The following SRGAP2C variants were observed in gnomAD, a reference collection of about 807,000 sequenced individuals.
SRGAP2C encodes the protein SLIT-ROBO Rho GTPase activating protein 2C, also known as SLIT-ROBO Rho GTPase-activating protein 2C.
A neutral mutation model predicts 25.1 loss-of-function variants in SRGAP2C; 15 were observed. The observed-to-expected ratio is 0.60, with a 90% CI of 0.40 to 0.92. The LOEUF (loss-of-function observed/expected upper bound fraction) is 0.92, where lower values mean the gene tolerates loss of function less well. SRGAP2C is among the 40% of genes least tolerant of loss of function. The probability of loss-of-function intolerance (pLI) is 0.00; values close to 1 mark genes in which losing one functional copy is unlikely to be tolerated. For synonymous variants in SRGAP2C, 44 were observed against 96.6 expected, an observed-to-expected ratio of 0.46 and a Z score of 3.19; for missense variants, 144 against 264.4, an observed-to-expected ratio of 0.54 and a Z score of 3.16.
At chr1:121,335,391 A>AAATCAATCAAT (rs1658492086) in intron 4 of SRGAP2C, among the ~76,000 whole-genome samples, 1 of 135,314 alleles carries the variant, frequency 7.4e-6, no homozygotes, top group Non-Finnish European at 1.6e-5. Flanking sequence ...AATAAATAAA[A>AAATCAATCAAT]CAACCAATTC....
intron 4 of SRGAP2C, among the ~76,000 whole-genome samples, chr1:121,340,073 G>A (rs1427733872): frequency 4.8e-5 from 7 of 146,082 alleles, no homozygotes; most frequent in African/African-American, 1.0e-4. Context: ...TTTTTTTAGC[G>A]GTATATTATC....
intron 4 of SRGAP2C, among the ~76,000 whole-genome samples, chr1:121,353,031 A>C (rs1169544557): frequency 3.1e-4 from 47 of 151,116 alleles, no homozygotes; most frequent in Admixed American, 8.6e-4. Flanking sequence ...CAGAGCTTGC[A>C]GTGAAACGAG....
intron 2 of SRGAP2C, among the ~76,000 whole-genome samples, chr1:121,249,566 ATATATATATATATATTTTTTT>A (rs1303401544): frequency 1.6e-3 from 53 of 33,196 alleles, no homozygotes; most frequent in African/African-American, 2.0e-3. Flanking sequence ...ATATATATAT[ATATATATATATATATTTTTTT>A]TTTTTTTTTT....
intron 2 of SRGAP2C, among the ~76,000 whole-genome samples, chr1:121,212,418 C>T (rs1471658903): frequency 1.4e-4 from 21 of 152,106 alleles, no homozygotes; most frequent in African/African-American, 4.6e-4. Flanking sequence ...GGGTGAGCCA[C>T]CATACCCAGC....
intron 3 of SRGAP2C, among the ~76,000 whole-genome samples, chr1:121,305,787 C>CT (rs1434996303): frequency 2.3e-5 from 3 of 130,208 alleles, no homozygotes; most frequent in Non-Finnish European, 4.8e-5. Context: ...GTTTGATTCT[C>CT]TATCTTCTCA....
At chr1:121,196,702 G>A in intron 2 of SRGAP2C, among the ~76,000 whole-genome samples, 1 of 87,918 alleles carries the variant, frequency 1.1e-5, no homozygotes, top group Non-Finnish European at 2.3e-5. Flanking sequence ...GTTGTGTTAA[G>A]AGTACTGGCT....
intron 7 of SRGAP2C, among the ~76,000 whole-genome samples, chr1:121,375,207 TAGTC>T (rs1484938524): frequency 1.5e-4 from 23 of 148,888 alleles, no homozygotes; most frequent in East Asian, 1.4e-3. Flanking sequence ...TTAGATGACT[TAGTC>T]AGAGTCAGTT....
chr1:121,374,950 T>C lies in SRGAP2C; in HGVS notation c.827T>C (p.Ile276Thr), dbSNP rs782306822. 6 of 777,376 alleles carry C rather than the reference T, an allele frequency of 7.7e-6. No individual in the cohort carries two copies. The highest frequency in any genetic ancestry group is 2.7e-5 in the South Asian group (2 of 73,818). 48.2% of individuals were successfully genotyped at this position (777,376 alleles called of 1,614,324 possible). A position where few individuals can be genotyped will look rare whatever the true frequency, so the allele number is the denominator to read the frequency against. ...KYYIHDLSDL[I>T]DQCCDLGYHA... ...TACATCCATGACCTATCTGACCTTA[T>C]TGATGTAAGTGCTTAAAGCCAAGGG... The change falls in exon 7 of 10, where the codon ATT (isoleucine) becomes ACT (threonine). Residue 276 changes from isoleucine to threonine, a missense_variant. By Grantham distance (89) the Ile-to-Thr change is moderately conservative. Transcript: ENST00000367123.
chr1:121,374,868 GC>G lies in SRGAP2C; in HGVS notation c.748del (p.Gln250ArgfsTer33). On this transcript the variant is annotated frameshift_variant, in exon 7 of 10. Coordinates refer to ENST00000367123, the MANE Select transcript of SRGAP2C (RefSeq NM_001329984.2). LOFTEE classifies it high-confidence loss of function. ...GGAGAATAAGCTGAAGGCCATCAAA[GC>G]CCAGAATGAGTACTTGCTGGCTTTG... ...YTENKLKAIK[A>X]QNEYLLALEA... 2 of 779,280 alleles carry G rather than the reference GC, an allele frequency of 2.6e-6. No homozygotes were observed. The highest frequency in any genetic ancestry group is 4.8e-6 in the Non-Finnish European group (2 of 417,258). The allele number at this position is 779,280 out of a possible 1,614,324, so 48.3% of individuals were successfully genotyped here.
intron 4 of SRGAP2C, among the ~76,000 whole-genome samples, chr1:121,358,732 G>T (rs1769151): frequency 1.4e-5 from 2 of 146,612 alleles, no homozygotes; most frequent in African/African-American, 2.5e-5. Flanking sequence ...CAAAGAAAAA[G>T]AATTTACTAT....
intron 4 of SRGAP2C, among the ~76,000 whole-genome samples, chr1:121,362,528 G>T (rs1271061129): frequency 1.3e-5 from 2 of 149,760 alleles, no homozygotes; most frequent in Non-Finnish European, 3.0e-5. Context: ...CCACTCTGGG[G>T]CTAGGTTATT....
At chr1:121,212,483 G>A (rs1409876470) in intron 2 of SRGAP2C, among the ~76,000 whole-genome samples, 1 of 151,744 alleles carries the variant, frequency 6.6e-6, no homozygotes, top group African/African-American at 2.4e-5. Context: ...AAGGAAGAGT[G>A]GCAGTGGCAG....
Position 121,185,119 on chromosome 1 carries a change from A to T in SRGAP2C, c.-548A>T. On this transcript the variant is annotated 5_prime_UTR_variant, in exon 1 of 10. Transcript: ENST00000367123. ...GGGGGCCTGGGACCCGTCGCGTCAG[A>T]GCCAGGTAAAGGCTCCTTCCCTCTT... is the stretch of plus-strand genomic sequence containing the variant. 2.1e-6 allele frequency: 1 copy of T among 470,728 alleles called. No homozygotes were observed. Among genetic ancestry groups the T allele is most frequent in the South Asian group, 3.0e-5 (1 of 33,340 alleles). The allele number at this position is 470,728 out of a possible 1,614,324, so 29.2% of individuals were successfully genotyped here. A position where few individuals can be genotyped will look rare whatever the true frequency, so the allele number is the denominator to read the frequency against.
At position 121,363,992 on chromosome 1, in the gene SRGAP2C, T is replaced by A. The variant is rs1239450098; in HGVS notation, c.424-1301T>A. The stretch of plus-strand genomic sequence containing the variant: ...ATCAGAAAAAAAAGTATTTTTTAAG[T>A]AGAGATGTATGTACCTTGAAAAAAA... On this transcript the variant is annotated intron_variant, in intron 4 of 9. Coordinates refer to ENST00000367123, the MANE Select transcript of SRGAP2C (RefSeq NM_001329984.2). 2.0e-5 allele frequency among the ~76,000 whole-genome samples: 3 copies of A among 151,520 alleles called. No homozygotes were observed. In the East Asian group the frequency reaches 5.8e-4, roughly 29 times the overall value.
intron 2 of SRGAP2C, among the ~76,000 whole-genome samples, chr1:121,238,531 A>T (rs587652924): frequency 1.4e-4 from 22 of 152,196 alleles, no homozygotes; most frequent in Admixed American, 1.3e-3. Flanking sequence ...CTTGCCACAT[A>T]ATTTGCATTT....
At chr1:121,316,708 C>A (rs1298879909) in intron 3 of SRGAP2C, among the ~76,000 whole-genome samples, 3 of 85,534 alleles carry the variant, frequency 3.5e-5, no homozygotes, top group South Asian at 4.6e-4. Context: ...CTGTCTTTTA[C>A]CCTTGCTATG....
chr1:121,307,788 TAAG>T (rs1657877763), intron 3 of SRGAP2C, among the ~76,000 whole-genome samples: 4 of 151,980 alleles, frequency 2.6e-5, no homozygotes, highest in Middle Eastern at 6.8e-3. Flanking sequence ...TTACGGCCCT[TAAG>T]AAGGCAGAGA....
chr1:121,329,396 T>G (rs1198990704), intron 4 of SRGAP2C, among the ~76,000 whole-genome samples: 1 of 138,796 alleles, frequency 7.2e-6, no homozygotes, highest in Non-Finnish European at 1.6e-5. Context: ...TTTCACTTAG[T>G]TATAGAATTA....
At chr1:121,259,805 G>C (rs1656572194) in intron 2 of SRGAP2C, among the ~76,000 whole-genome samples, 1 of 149,012 alleles carries the variant, frequency 6.7e-6, no homozygotes, top group Non-Finnish European at 1.5e-5. Flanking sequence ...GTTGTGAGGG[G>C]AGTTGCTTTT....
Sources: allele counts gnomAD v4.1 joint callset (sites outside exome capture counted in the v4.1 genomes callset), GRCh38; gene constraint gnomAD v4.1.1; transcripts MANE v1.5; gene names NCBI Gene and HGNC (gene_info 2026-07-23, HGNC 2026-07-21).